The following NRXN1 variants were observed in gnomAD, a reference collection of about 807,000 sequenced individuals.
The protein encoded by NRXN1 is neurexin-1.
NRXN1 carries 39 observed loss-of-function variants against 150.9 expected under a neutral mutation model. That is an observed-to-expected ratio of 0.26 (90% CI 0.20 to 0.34). The LOEUF (loss-of-function observed/expected upper bound fraction) is 0.34, where lower values mean the gene tolerates loss of function less well. Among genes scored for constraint, NRXN1 ranks in the 10% least tolerant of loss-of-function variants. NRXN1 has a pLI of 1.00. For missense variants in NRXN1, 1,815 were observed against 1,949.9 expected, an observed-to-expected ratio of 0.93 and a Z score of 1.30; for synonymous variants, 924 against 757.0, an observed-to-expected ratio of 1.22 and a Z score of -3.62.
At chr2:50,428,040 G>C (rs897815272) in intron 17 of NRXN1, among the ~76,000 whole-genome samples, 1 of 152,132 alleles carries the variant, frequency 6.6e-6, no homozygotes, top group African/African-American at 2.4e-5. Flanking sequence ...GCAATCTTCT[G>C]ATGCTTGCTT....
intron 5 of NRXN1, among the ~76,000 whole-genome samples, chr2:50,788,977 T>C (rs1705551890): frequency 6.6e-6 from 1 of 151,766 alleles, no homozygotes; most frequent in Non-Finnish European, 1.5e-5. Context: ...AGTAGGACAG[T>C]AAGAATGCAA....
chr2:50,813,687 T>C (rs1668539370), intron 5 of NRXN1, among the ~76,000 whole-genome samples: 1 of 152,158 alleles, frequency 6.6e-6, no homozygotes, highest in African/African-American at 2.4e-5. Context: ...GGTGCATTGA[T>C]TGTAGATTAA....
intron 17 of NRXN1, among the ~76,000 whole-genome samples, chr2:50,450,942 C>A (rs1278137193): frequency 1.3e-5 from 2 of 152,118 alleles, no homozygotes; most frequent in Admixed American, 1.3e-4. Flanking sequence ...TGACTAGAAA[C>A]CTGCTAACTA....
At chr2:50,730,818 G>A (rs1339459502) in intron 5 of NRXN1, among the ~76,000 whole-genome samples, 4 of 151,520 alleles carry the variant, frequency 2.6e-5, no homozygotes, top group Non-Finnish European at 2.9e-5. Context: ...GACTACAGGC[G>A]CCCGCCACCA....
At chr2:51,021,464 T>C (rs972639397) in intron 2 of NRXN1, among the ~76,000 whole-genome samples, 2 of 152,018 alleles carry the variant, frequency 1.3e-5, no homozygotes, top group East Asian at 3.9e-4. Context: ...GTTCTTTCTA[T>C]AGTCAATCAG....
intron 12 of NRXN1, among the ~76,000 whole-genome samples, chr2:50,521,479 G>A (rs1054784439): frequency 2.6e-5 from 4 of 152,076 alleles, no homozygotes; most frequent in Non-Finnish European, 5.9e-5. Flanking sequence ...TCATCTTCAG[G>A]AAAACTGTTT....
chr2:50,484,867 A>AT (rs1375989163), intron 15 of NRXN1, among the ~76,000 whole-genome samples: 2 of 139,780 alleles, frequency 1.4e-5, no homozygotes, highest in African/African-American at 2.5e-5. Flanking sequence ...CTTGATTAAG[A>AT]TTTTTTATGG....
At chr2:50,773,046 A>T (rs1703197302) in intron 5 of NRXN1, among the ~76,000 whole-genome samples, 1 of 152,164 alleles carries the variant, frequency 6.6e-6, no homozygotes, top group Non-Finnish European at 1.5e-5. Context: ...AATGAAAGGA[A>T]CTATTAGATC....
Position 50,506,612 on chromosome 2 carries a change from C to G in NRXN1, c.2380G>C (p.Gly794Arg). ...TAGCCAGCAAAAAGAGTCTCGGGAC[C>G]TTTGCCTGTAGAATATGCCAAACAG... The part of the protein sequence containing the change: ...CIRINCNSSK[G>R]PETLFAGYNL... The change falls in exon 13 of 23, where the codon GGT (glycine) becomes CGT (arginine). Residue 794 changes from glycine (G) to arginine (R), a missense_variant. Gly to Arg is a moderately radical substitution (Grantham distance 125, BLOSUM62 -2). This residue lies in a region of NRXN1 where 638 missense variants were observed against 652.6 expected (regional missense o/e 0.98). Transcript: ENST00000401669. The G allele has an allele frequency of 6.2e-7, 1 of 1,613,054 alleles. No individual in the cohort carries two copies. Among genetic ancestry groups the G allele is most frequent in the Non-Finnish European group, 8.5e-7 (1 of 1,179,370 alleles).
intron 5 of NRXN1, among the ~76,000 whole-genome samples, chr2:50,646,867 G>C (rs912485481): frequency 6.6e-6 from 1 of 151,750 alleles, no homozygotes; most frequent in Non-Finnish European, 1.5e-5. Context: ...TTGCATCTGA[G>C]TCCCTTGAGG....
chr2:50,878,100 A>G (rs1361262988), intron 5 of NRXN1, among the ~76,000 whole-genome samples: 3 of 151,930 alleles, frequency 2.0e-5, no homozygotes, highest in East Asian at 3.9e-4. Context: ...AGGAACACAT[A>G]CTGCTTTTAA....
intron 17 of NRXN1, among the ~76,000 whole-genome samples, chr2:50,344,545 T>G (rs930504951): frequency 2.0e-5 from 3 of 152,166 alleles, no homozygotes; most frequent in Non-Finnish European, 2.9e-5. Flanking sequence ...CCAACCACTA[T>G]ACACACAACA....
intron 15 of NRXN1, among the ~76,000 whole-genome samples, chr2:50,483,950 C>A (rs1015268903): frequency 3.3e-5 from 5 of 151,986 alleles, no homozygotes; most frequent in African/African-American, 1.2e-4. Context: ...AGGTTTTTTT[C>A]TTATTTCAAA....
At chr2:50,069,731 T>A (rs530097955) in intron 19 of NRXN1, among the ~76,000 whole-genome samples, 18 of 152,258 alleles carry the variant, frequency 1.2e-4, no homozygotes, top group African/African-American at 3.1e-4. Flanking sequence ...CCACCTCTTA[T>A]CACTGAGACA....
At chr2:50,828,341 C>T (rs1272800263) in intron 5 of NRXN1, among the ~76,000 whole-genome samples, 2 of 151,098 alleles carry the variant, frequency 1.3e-5, no homozygotes, top group Non-Finnish European at 3.0e-5. Context: ...CGCCTCCCTC[C>T]CAGATGGGGC....
intron 5 of NRXN1, among the ~76,000 whole-genome samples, chr2:50,851,803 A>T (rs1239060500): frequency 6.6e-6 from 1 of 152,194 alleles, no homozygotes; most frequent in East Asian, 1.9e-4. Context: ...CTGTCCCTTC[A>T]TCAGGCCCTC....
At chr2:50,177,238 A>T (rs2152806833) in intron 18 of NRXN1, among the ~76,000 whole-genome samples, 1 of 152,182 alleles carries the variant, frequency 6.6e-6, no homozygotes, top group Non-Finnish European at 1.5e-5. Flanking sequence ...GTAATTTTTC[A>T]ACTCTCATTC....
chr2:50,704,442 G>A (rs990236847), intron 5 of NRXN1, among the ~76,000 whole-genome samples: 1 of 151,798 alleles, frequency 6.6e-6, no homozygotes, highest in Non-Finnish European at 1.5e-5. Flanking sequence ...TCAATATGCT[G>A]CAGGATATTT....
intron 17 of NRXN1, among the ~76,000 whole-genome samples, chr2:50,306,761 G>T (rs907348101): frequency 3.3e-5 from 5 of 152,104 alleles, no homozygotes; most frequent in Admixed American, 2.6e-4. Context: ...TGACATTTTT[G>T]AGTGTAATCA....
Sources: gnomAD v4.1 joint callset for allele counts (sites outside exome capture counted in the v4.1 genomes callset) on GRCh38, gnomAD v4.1.1 for gene constraint, gnomAD v4.1.1 regional missense constraint, MANE v1.5 for transcripts, NCBI Gene and HGNC (gene_info 2026-07-23, HGNC 2026-07-21) for gene names.